Variants in CDH18 observed in about 807,000 individuals in gnomAD.
CDH18 encodes the protein cadherin 18.
A neutral mutation model predicts 67.9 loss-of-function variants in CDH18; 31 were observed. That is an observed-to-expected ratio of 0.46 (90% confidence interval 0.34 to 0.62). The LOEUF (loss-of-function observed/expected upper bound fraction) is 0.62, where lower values mean the gene tolerates loss of function less well. CDH18 is among the 20% of genes least tolerant of loss of function. The pLI is 0.01. For synonymous variants in CDH18, 362 were observed against 347.2 expected (o/e 1.04, Z -0.48); for missense variants, 890 against 975.5 (o/e 0.91, Z 1.17).
chr5:20,108,256 A>AT (rs1007192544), intron 2 of CDH18, among the ~76,000 whole-genome samples: 31 of 150,538 alleles, frequency 2.1e-4, no homozygotes, highest in Middle Eastern at 3.4e-3. Flanking sequence ...ATTTTATTTT[A>AT]TTTTTTTTTA....
At chr5:20,556,510 C>T (rs1018625136) in intron 1 of CDH18, among the ~76,000 whole-genome samples, 5 of 152,116 alleles carry the variant, frequency 3.3e-5, no homozygotes, top group African/African-American at 7.2e-5. Context: ...CAAGTAGGCC[C>T]GTTCTCTTCT....
chr5:19,947,762 CAA>C (rs77462775), intron 2 of CDH18, among the ~76,000 whole-genome samples: 2 of 147,702 alleles, frequency 1.4e-5, no homozygotes, highest in Non-Finnish European at 3.0e-5. Context: ...GAGTCCATCT[CAA>C]AAAAAAAAGA....
chr5:20,333,518 A>AC (rs1157106421), intron 1 of CDH18, among the ~76,000 whole-genome samples: 9 of 115,658 alleles, frequency 7.8e-5, no homozygotes, highest in Non-Finnish European at 1.4e-4. Flanking sequence ...AAAAAAAAAA[A>AC]CAATATATAT....
At chr5:19,785,479 C>G (rs1202315312) in intron 3 of CDH18, among the ~76,000 whole-genome samples, 1 of 149,556 alleles carries the variant, frequency 6.7e-6, no homozygotes, top group African/African-American at 2.5e-5. Flanking sequence ...ATGGAGAAAC[C>G]CCGTCTCTAC....
rs73762479 is a variant in CDH18, at chr5:19,993,739, G to A, written c.-517-1725C>T. On this transcript the variant is annotated intron_variant, in intron 2 of 14. Coordinates refer to the CDH18 transcript ENST00000507958. The stretch of plus-strand genomic sequence containing the variant: ...ATAGATAGACAAATATATAGATATC[G>A]ATATATAGATAATAGATATATAGAT... Among the ~76,000 whole-genome samples, 275 of 151,792 alleles carry A rather than the reference G, an allele frequency of 1.8e-3. 2 individuals carry two copies. The highest frequency in any genetic ancestry group is 6.0e-3 in the African/African-American group (250 of 41,382).
chr5:20,091,740 A>G (rs1250769535), intron 2 of CDH18, among the ~76,000 whole-genome samples: 1 of 152,058 alleles, frequency 6.6e-6, no homozygotes, highest in Non-Finnish European at 1.5e-5. Flanking sequence ...TTTTTATAAT[A>G]CTAGGATATT....
At chr5:20,207,681 TC>T (rs1249441704) in intron 2 of CDH18, among the ~76,000 whole-genome samples, 4 of 151,948 alleles carry the variant, frequency 2.6e-5, no homozygotes, top group Non-Finnish European at 1.5e-5. Flanking sequence ...TCCCCACAGG[TC>T]CCTCCCACAA....
intron 2 of CDH18, among the ~76,000 whole-genome samples, chr5:20,008,153 A>T (rs543610151): frequency 6.6e-6 from 1 of 152,206 alleles, no homozygotes; most frequent in Non-Finnish European, 1.5e-5. Flanking sequence ...TTGTGTGTGT[A>T]GAGATGTGTC....
Position 20,449,910 on chromosome 5 carries a change from T to A in CDH18, c.-580+125552A>T, listed in dbSNP as rs577807744. Among the ~76,000 whole-genome samples, 8 of 152,174 alleles carry A rather than the reference T, an allele frequency of 5.3e-5. No individual in the cohort carries two copies. In the South Asian group the frequency reaches 1.7e-3, roughly 32 times the overall value. On this transcript the variant is annotated intron_variant, in intron 1 of 14. Coordinates refer to the CDH18 transcript ENST00000507958. Reference sequence around the variant, plus strand: ...ATATTTTCTGATATATTGCCAGGAGTATTCCATTTACTTATGAAGTTTCAG... The same window carrying A: ...ATATTTTCTGATATATTGCCAGGAGAATTCCATTTACTTATGAAGTTTCAG...
intron 2 of CDH18, among the ~76,000 whole-genome samples, chr5:20,059,570 C>G (rs372978161): frequency 1.3e-5 from 2 of 152,232 alleles, no homozygotes; most frequent in East Asian, 3.9e-4. Flanking sequence ...CCTCAAGGAT[C>G]TAGAACCAGA....
intron 2 of CDH18, among the ~76,000 whole-genome samples, chr5:20,096,062 G>A (rs911296048): frequency 1.3e-5 from 2 of 152,044 alleles, no homozygotes; most frequent in African/African-American, 2.4e-5. Flanking sequence ...AGCAAAGAGA[G>A]AGATGGAGAA....
chr5:20,295,620 G>A (rs970969834), intron 1 of CDH18, among the ~76,000 whole-genome samples: 5 of 151,514 alleles, frequency 3.3e-5, no homozygotes, highest in Admixed American at 1.3e-4. Flanking sequence ...CCGGCTACTC[G>A]GGAGGCTAAG....
intron 1 of CDH18, among the ~76,000 whole-genome samples, chr5:20,544,659 G>A (rs1449078744): frequency 6.6e-6 from 1 of 152,016 alleles, no homozygotes; most frequent in African/African-American, 2.4e-5. Context: ...AACAGCATGG[G>A]GGAAACCACT....
At chr5:20,458,108 TTTTTG>T (rs776633359) in intron 1 of CDH18, among the ~76,000 whole-genome samples, 174 of 152,168 alleles carry the variant, frequency 1.1e-3, no homozygotes, top group African/African-American at 4.1e-3. Flanking sequence ...TTGTTTTGCT[TTTTTG>T]TTTTATTTGT....
chr5:19,531,229 T>C lies in CDH18; in HGVS notation c.1391-10451A>G, dbSNP rs369442381. Among the ~76,000 whole-genome samples the C allele has an allele frequency of 7.6e-4, 115 of 152,290 alleles. 1 individual carries two copies. In the Middle Eastern group the frequency reaches 0.014, roughly 18 times the overall value. On this transcript the variant is annotated intron_variant, in intron 9 of 12. Coordinates refer to ENST00000382275, the MANE Select transcript of CDH18 (RefSeq NM_004934.5). The stretch of plus-strand genomic sequence containing the variant: ...TCAAAAAAATGAACATCTGATTAAC[T>C]CATATATCTGCATATATTAAAATCT...
intron 1 of CDH18, among the ~76,000 whole-genome samples, chr5:20,424,341 C>A (rs531574527): frequency 6.6e-6 from 1 of 150,706 alleles, no homozygotes; most frequent in Non-Finnish European, 1.5e-5. Flanking sequence ...CCAACAGCAC[C>A]ATCATATTAT....
intron 2 of CDH18, among the ~76,000 whole-genome samples, chr5:19,896,343 C>G (rs572761677): frequency 6.6e-5 from 10 of 152,094 alleles, no homozygotes; most frequent in African/African-American, 2.4e-4. Flanking sequence ...GAGTAAAACT[C>G]CCTCTCAAAA....
intron 3 of CDH18, among the ~76,000 whole-genome samples, chr5:19,836,882 C>A (rs1781706429): frequency 1.3e-5 from 2 of 151,886 alleles, no homozygotes; most frequent in Admixed American, 6.6e-5. Context: ...TCAGAAATAC[C>A]ATTTGACCCA....
Position 19,542,888 on chromosome 5 carries a change from G to A in CDH18, c.1390+981C>T, listed in dbSNP as rs1431464976. On this transcript the variant is annotated intron_variant, in intron 9 of 12. Transcript: ENST00000382275. ...TTCTAGAAACCATTGAGTTATACAC[G>A]TTAAAAGGGTTCATTTTATGCTGTG... Among the ~76,000 whole-genome samples, 15 of 152,082 alleles carry A rather than the reference G, an allele frequency of 9.9e-5. No individual in the cohort carries two copies. The South Asian group carries it at 2.5e-3, about 25-fold the overall frequency.
Sources: allele counts gnomAD v4.1 joint callset (sites outside exome capture counted in the v4.1 genomes callset), GRCh38; gene constraint gnomAD v4.1.1; transcripts MANE v1.5; gene names NCBI Gene and HGNC (gene_info 2026-07-23, HGNC 2026-07-21).